EMSY: variants seen among roughly 807,000 people sequenced by gnomAD.
EMSY encodes the protein EMSY transcriptional repressor, BRCA2 interacting.
Under a neutral mutation model 134.6 loss-of-function variants are expected in EMSY, and 26 were observed. The observed-to-expected ratio is 0.19, with a 90% confidence interval of 0.14 to 0.27. The LOEUF is 0.27. EMSY is among the 10% of genes least tolerant of loss of function. The pLI is 1.00. For synonymous variants in EMSY, 579 were observed against 577.8 expected, an observed-to-expected ratio of 1.00 and a Z score of -0.03; for missense variants, 1,305 against 1,611.4, an observed-to-expected ratio of 0.81 and a Z score of 3.26.
In EMSY at chr11:76,460,063, T is replaced by TG. The variant is rs1350785923; in HGVS notation, c.551dup (p.Ser185LysfsTer13). The stretch of plus-strand genomic sequence containing the variant: ...CCTCCAATGTAGTTGTCTTGCCAAG[T>TG]GGAAGTACTGTTTATGTCAAAAGTA... On this transcript the variant is annotated frameshift_variant, in exon 6 of 21. Coordinates refer to ENST00000334736, the Ensembl canonical transcript of EMSY. LOFTEE classifies it high-confidence loss of function. The TG allele has an allele frequency of 6.2e-7, 1 of 1,614,198 alleles. No homozygotes were observed. Among genetic ancestry groups the TG allele is most frequent in the Non-Finnish European group, 8.5e-7 (1 of 1,180,036 alleles).
chr11:76,506,092 C>T (rs1056875071), intron 9 of EMSY, among the ~76,000 whole-genome samples: 1 of 151,814 alleles, frequency 6.6e-6, no homozygotes, highest in Non-Finnish European at 1.5e-5. Context: ...TGTACTTAAG[C>T]CTGGGCAATA....
chr11:76,490,721 G>A lies in EMSY; in HGVS notation c.1109-5494G>A, dbSNP rs866048142. Among the ~76,000 whole-genome samples the A allele has an allele frequency of 7.2e-5, 11 of 152,254 alleles. No homozygotes were observed. In the Middle Eastern group the frequency reaches 0.01, roughly 141 times the overall value. ...AGAGGGGAAAACATGTCTTTTAGGT[G>A]TACCAGGTTCATCTTATACTTTTCC... On this transcript the variant is annotated intron_variant, in intron 8 of 20. Transcript: ENST00000334736.
chr11:76,467,389 G>A (rs1027395232), intron 7 of EMSY, among the ~76,000 whole-genome samples: 17 of 152,146 alleles, frequency 1.1e-4, no homozygotes, highest in African/African-American at 3.1e-4. Context: ...AGCTAAAAGC[G>A]TACCTACCTC....
intron 11 of EMSY, among the ~76,000 whole-genome samples, chr11:76,521,400 A>T (rs1205560145): frequency 6.6e-6 from 1 of 152,194 alleles, no homozygotes; most frequent in Admixed American, 6.5e-5. Context: ...CTAAGCACTG[A>T]GGAATCATAA....
chr11:76,544,368 G>C (rs1441613141), exon 19 of EMSY: 7 of 1,614,090 alleles, frequency 4.3e-6, no homozygotes, highest in South Asian at 2.2e-5. Flanking sequence ...CTGTTTTACC[G>C]ATCTGCCCTG....
chr11:76,527,323 C>T (rs1396880477), intron 13 of EMSY, among the ~76,000 whole-genome samples: 10 of 151,934 alleles, frequency 6.6e-5, no homozygotes, highest in Admixed American at 6.6e-4. Context: ...TAGCCAAATA[C>T]TTTACGTATC....
intron 9 of EMSY, among the ~76,000 whole-genome samples, chr11:76,502,436 A>T (rs1425625839): frequency 2.7e-5 from 4 of 149,248 alleles, no homozygotes; most frequent in African/African-American, 9.8e-5. Context: ...TGCAGATGAC[A>T]TGATCCTTTA....
intron 8 of EMSY, among the ~76,000 whole-genome samples, chr11:76,486,320 C>A (rs570867681): frequency 6.6e-6 from 1 of 152,214 alleles, no homozygotes; most frequent in African/African-American, 2.4e-5. Context: ...TTGTTGGGTG[C>A]AGCAAAGCAC....
intron 10 of EMSY, 52 bp downstream of exon 11, chr11:76,513,587 G>A (rs1161980901): frequency 6.3e-7 from 1 of 1,582,220 alleles, no homozygotes; most frequent in Admixed American, 1.7e-5. Flanking sequence ...TCATCAAACA[G>A]TTTCTCTGTA....
chr11:76,544,863 T>G, intron 19 of EMSY, 41 bp downstream of exon 20: 1 of 1,585,498 alleles, frequency 6.3e-7, no homozygotes, highest in South Asian at 1.1e-5. Context: ...AACTTCTCTG[T>G]TCACGGAAAA....
chr11:76,478,158 A>C (rs1262204624), intron 8 of EMSY, among the ~76,000 whole-genome samples: 1 of 152,100 alleles, frequency 6.6e-6, no homozygotes, highest in East Asian at 1.9e-4. Context: ...CCCCCTTATC[A>C]GTTCAACATG....
At chr11:76,498,190 T>G (rs1949724446) in intron 9 of EMSY, among the ~76,000 whole-genome samples, 1 of 152,208 alleles carries the variant, frequency 6.6e-6, no homozygotes, top group Admixed American at 6.5e-5. Context: ...GAGAACACAC[T>G]GTATCATTTC....
At chr11:76,530,306 C>T (rs532204564) in intron 14 of EMSY, among the ~76,000 whole-genome samples, 70 of 151,932 alleles carry the variant, frequency 4.6e-4, no homozygotes, top group African/African-American at 1.2e-3. Context: ...ATTACAAGCA[C>T]GCACCACCAT....
At chr11:76,453,375 A>G (rs1157455401) in exon 4 of EMSY, 13 of 1,612,892 alleles carry the variant, frequency 8.1e-6, no homozygotes, top group South Asian at 1.1e-5. Flanking sequence ...ACGGTTAACA[A>G]CAATTGCACA....
chr11:76,516,322 T>G lies in EMSY; in HGVS notation c.1684+10T>G. The G allele has an allele frequency of 1.3e-6, 2 of 1,592,988 alleles. No homozygotes were observed. Among genetic ancestry groups the G allele is most frequent in the Non-Finnish European group, 1.7e-6 (2 of 1,163,394 alleles). ...AGTAATATAGTTTCTGGTAGGTATA[T>G]CTGAAATATGTTAAAGGTATAGGTG... On this transcript the variant is annotated intron_variant, in intron 11 of 20. Coordinates refer to ENST00000334736, the Ensembl canonical transcript of EMSY.
At chr11:76,546,186 A>G (rs1208186788) in exon 20 of EMSY, 2 of 1,614,040 alleles carry the variant, frequency 1.2e-6, no homozygotes, top group African/African-American at 2.7e-5. Flanking sequence ...GCTCTTCCCT[A>G]ACGACAAGGA....
At chr11:76,518,386 T>A (rs1950523585) in intron 11 of EMSY, among the ~76,000 whole-genome samples, 1 of 151,606 alleles carries the variant, frequency 6.6e-6, no homozygotes. Flanking sequence ...CAGGCTGGTC[T>A]CAAACTCCTG....
At chr11:76,508,336 A>G (rs1033700667) in intron 9 of EMSY, among the ~76,000 whole-genome samples, 1 of 138,960 alleles carries the variant, frequency 7.2e-6, no homozygotes, top group African/African-American at 2.6e-5. Flanking sequence ...AATATTTTGA[A>G]AGGAATCTTT....
chr11:76,550,237 G>A (rs1350657766), exon 21 of EMSY: 18 of 1,133,450 alleles, frequency 1.6e-5, no homozygotes, highest in Non-Finnish European at 2.0e-5. Context: ...AGAGCACTTT[G>A]CCCGTACTTA....
Sources: allele counts gnomAD v4.1 joint callset (sites outside exome capture counted in the v4.1 genomes callset), GRCh38; gene constraint gnomAD v4.1.1; transcripts MANE v1.5; gene names NCBI Gene and HGNC (gene_info 2026-07-23, HGNC 2026-07-21).